The following TMEM135 variants were observed in gnomAD, a reference collection of about 807,000 sequenced individuals.
TMEM135 encodes the protein transmembrane protein 135.
TMEM135 carries 30 observed loss-of-function variants against 60.3 expected under a neutral mutation model. The observed-to-expected ratio is 0.50, with a 90% CI of 0.37 to 0.68. The LOEUF is 0.68. Ranked by LOEUF, TMEM135 falls within the 30% of genes least tolerant of loss-of-function variation. TMEM135 has a pLI of 0.00. For missense variants in TMEM135, 468 were observed against 548.8 expected (o/e 0.85, Z 1.47); for synonymous variants, 190 against 186.7 (o/e 1.02, Z -0.14).
intron 4 of TMEM135, among the ~76,000 whole-genome samples, chr11:87,139,247 A>G (rs975369915): frequency 1.3e-5 from 2 of 152,148 alleles, no homozygotes; most frequent in African/African-American, 4.8e-5. Flanking sequence ...ATTGAGAGCT[A>G]CTTTTGGGTG....
At chr11:87,046,045 T>C (rs114665899) in intron 1 of TMEM135, among the ~76,000 whole-genome samples, 48 of 152,246 alleles carry the variant, frequency 3.2e-4, no homozygotes, top group African/African-American at 1.1e-3. Context: ...TGCAAATTCA[T>C]TGAGATAAAT....
chr11:87,265,833 T>C lies in TMEM135; in HGVS notation c.509+29149T>C, dbSNP rs76789255. Among the ~76,000 whole-genome samples, 1,454 of 152,252 alleles carry C rather than the reference T, an allele frequency of 9.5e-3. 21 individuals are homozygous for C. The highest frequency in any genetic ancestry group is 0.032 in the African/African-American group (1,348 of 41,586). On this transcript the variant is annotated intron_variant, in intron 6 of 14. Transcript: ENST00000305494. The stretch of plus-strand genomic sequence containing the variant: ...ATAGAAAATATCAGTGATCATTGTA[T>C]GCACTGAGTCAATTTCTTATTGAGA...
intron 1 of TMEM135, among the ~76,000 whole-genome samples, chr11:87,057,290 G>A (rs1404064945): frequency 1.3e-5 from 2 of 152,158 alleles, no homozygotes; most frequent in African/African-American, 2.4e-5. Flanking sequence ...AATGGTCATC[G>A]CTAAAGTTTG....
At position 87,054,793 on chromosome 11, in the gene TMEM135, C is replaced by T. The variant is rs542959201; in HGVS notation, c.142-12901C>T. 1.3e-4 allele frequency among the ~76,000 whole-genome samples: 20 copies of T among 152,022 alleles called. No homozygotes were observed. The East Asian group carries it at 3.7e-3, about 28-fold the overall frequency. On this transcript the variant is annotated intron_variant, in intron 1 of 14. Transcript: ENST00000305494. Reference sequence around the variant, plus strand: ...AACCTTGAAAGAAATACACATGGGACAATTTTTTTTTTCAGACCCGTATGT... The same window carrying T: ...AACCTTGAAAGAAATACACATGGGATAATTTTTTTTTTCAGACCCGTATGT...
At chr11:87,312,339 T>G (rs1391308967) in intron 10 of TMEM135, among the ~76,000 whole-genome samples, 1 of 151,948 alleles carries the variant, frequency 6.6e-6, no homozygotes, top group African/African-American at 2.4e-5. Flanking sequence ...AGTAATGTTA[T>G]ACTACTTCAC....
intron 4 of TMEM135, among the ~76,000 whole-genome samples, chr11:87,137,906 A>G (rs910505680): frequency 1.3e-5 from 2 of 152,054 alleles, no homozygotes; most frequent in Non-Finnish European, 2.9e-5. Context: ...GAAACAAACC[A>G]TCTGCTTATC....
At chr11:87,193,163 C>G (rs554290550) in intron 5 of TMEM135, among the ~76,000 whole-genome samples, 8 of 151,978 alleles carry the variant, frequency 5.3e-5, no homozygotes, top group Non-Finnish European at 7.4e-5. Context: ...ATATAATAGG[C>G]CATCATTAAG....
intron 5 of TMEM135, among the ~76,000 whole-genome samples, chr11:87,198,753 A>G (rs148834415): frequency 6.6e-6 from 1 of 151,100 alleles, no homozygotes; most frequent in African/African-American, 2.4e-5. Context: ...AACATGTACC[A>G]TGTAAAGGCA....
In TMEM135 at chr11:87,108,867, C is replaced by T. The variant is rs193066288; in HGVS notation, c.396+17472C>T. ...ATCAAAAGTTCATTAATAGGTGATTCGATAAGCATATTGTGCTATGTCCAA... is the reference window on the plus strand; with the variant it reads ...ATCAAAAGTTCATTAATAGGTGATTTGATAAGCATATTGTGCTATGTCCAA... On this transcript the variant is annotated intron_variant, in intron 4 of 14. Transcript: ENST00000305494. Among the ~76,000 whole-genome samples, 370 of 152,124 alleles carry T rather than the reference C, an allele frequency of 2.4e-3. 1 individual carries two copies. The highest frequency in any genetic ancestry group is 8.6e-3 in the African/African-American group (358 of 41,518).
At chr11:87,251,629 A>G (rs1483366936) in intron 6 of TMEM135, among the ~76,000 whole-genome samples, 1 of 152,018 alleles carries the variant, frequency 6.6e-6, no homozygotes, top group Non-Finnish European at 1.5e-5. Flanking sequence ...ATGTATATAT[A>G]TGTATATAAA....
intron 4 of TMEM135, among the ~76,000 whole-genome samples, chr11:87,100,233 T>G (rs1228003082): frequency 1.3e-5 from 2 of 152,206 alleles, no homozygotes; most frequent in Non-Finnish European, 2.9e-5. Context: ...ACATAGATTT[T>G]GACTATGTCT....
chr11:87,291,335 C>T (rs569278231), intron 6 of TMEM135, among the ~76,000 whole-genome samples: 1 of 152,110 alleles, frequency 6.6e-6, no homozygotes, highest in Admixed American at 6.5e-5. Flanking sequence ...AAAATTATTT[C>T]AGTAATTTGT....
At chr11:87,123,075 T>C (rs518489) in intron 4 of TMEM135, among the ~76,000 whole-genome samples, 72,450 of 152,062 alleles carry the variant, frequency 0.48, 17,558 homozygotes, top group East Asian at 0.67. Flanking sequence ...TATTTATGGA[T>C]GCTGAAATTT....
intron 6 of TMEM135, among the ~76,000 whole-genome samples, chr11:87,253,001 A>T (rs1349120026): frequency 6.6e-6 from 1 of 151,906 alleles, no homozygotes. Context: ...TTTCCTCAAA[A>T]CAAATGGAAA....
chr11:87,259,632 G>C (rs142255645), intron 6 of TMEM135, among the ~76,000 whole-genome samples: 1 of 152,302 alleles, frequency 6.6e-6, no homozygotes, highest in East Asian at 1.9e-4. Flanking sequence ...ATCATTGGGA[G>C]AGAAAGTACA....
intron 9 of TMEM135, among the ~76,000 whole-genome samples, chr11:87,307,246 C>T (rs550254591): frequency 6.6e-6 from 1 of 152,088 alleles, no homozygotes; most frequent in Non-Finnish European, 1.5e-5. Flanking sequence ...TTAGCCCAGC[C>T]CACACTTAGC....
chr11:87,115,921 G>A (rs2512496), intron 4 of TMEM135, among the ~76,000 whole-genome samples: 76,871 of 151,708 alleles, frequency 0.51, 19,807 homozygotes, highest in East Asian at 0.67. Context: ...TGATTTATAT[G>A]CTATTTAGTT....
rs148188854 is a variant in TMEM135, at chr11:87,073,214, T to C, written c.362+1599T>C. ...CACGCCCAGCTAATTTTTGTATTTT[T>C]AGTAGAGACGGGGTTTCACTTTGTT... On this transcript the variant is annotated intron_variant, in intron 3 of 14. Coordinates refer to ENST00000305494, the MANE Select transcript of TMEM135 (RefSeq NM_022918.4). 8.6e-3 allele frequency among the ~76,000 whole-genome samples: 1,308 copies of C among 152,234 alleles called. 24 individuals carry two copies. The highest frequency in any genetic ancestry group is 0.029 in the African/African-American group (1,206 of 41,516).
rs79262699 is a variant in TMEM135, at chr11:87,157,424, A to T, written c.462+18A>T. On this transcript the variant is annotated intron_variant, in intron 5 of 14. Coordinates refer to ENST00000305494, the MANE Select transcript of TMEM135 (RefSeq NM_022918.4). ...ATGGAGAAGTAAGATGAGAATTTTG[A>T]TATAGTTATTAGTTGTTAATTTATA... The T allele has an allele frequency of 0.026, 41,746 of 1,600,722 alleles. 661 individuals are homozygous for T. The highest frequency in any genetic ancestry group is 0.039 in the Admixed American group (2,334 of 59,946).
Sources: allele counts gnomAD v4.1 joint callset (sites outside exome capture counted in the v4.1 genomes callset), GRCh38; gene constraint gnomAD v4.1.1; transcripts MANE v1.5; gene names NCBI Gene and HGNC (gene_info 2026-07-23, HGNC 2026-07-21).